Variants in CSDE1 observed in about 807,000 individuals in gnomAD.
CSDE1 encodes the protein cold shock domain-containing protein E1.
CSDE1 carries 17 observed loss-of-function variants against 89.3 expected under a neutral mutation model. That is an observed-to-expected ratio of 0.19 (90% CI 0.13 to 0.29). CSDE1 has a LOEUF of 0.29. Among genes scored for constraint, CSDE1 ranks in the 10% least tolerant of loss-of-function variants. The pLI, the probability that CSDE1 is intolerant of heterozygous loss-of-function variation, is 1.00. For synonymous variants in CSDE1, 322 were observed against 332.8 expected, an observed-to-expected ratio of 0.97 and a Z score of 0.35; for missense variants, 672 against 984.2, an observed-to-expected ratio of 0.68 and a Z score of 4.24.
chr1:114,746,074 T>C (rs1660997101), intron 2 of CSDE1, among the ~76,000 whole-genome samples: 1 of 152,166 alleles, frequency 6.6e-6, no homozygotes, highest in African/African-American at 2.4e-5. Context: ...TTGGAAAAGG[T>C]AGCCTATTTC....
chr1:114,739,600 A>T, intron 3 of CSDE1, 92 bp downstream of exon 3: 1 of 1,072,920 alleles, frequency 9.3e-7, no homozygotes, highest in Non-Finnish European at 1.4e-6. Flanking sequence ...GTTTTAATTT[A>T]CATAAAACTT....
At chr1:114,734,374 G>A in intron 7 of CSDE1, 68 bp downstream of exon 7, 3 of 1,351,618 alleles carry the variant, frequency 2.2e-6, no homozygotes, top group Non-Finnish European at 3.1e-6. Context: ...AAAAACAAAG[G>A]CTGGAGTTTG....
At position 114,740,134 on chromosome 1, in the gene CSDE1, GA is replaced by G. The variant is rs200790095; in HGVS notation, c.1-245del. ...AATTTCCACTTATCAGACAAAAATA[GA>G]ATTTCTGGGGTTTAATATTAAGGTA... is the stretch of plus-strand genomic sequence containing the variant. On this transcript the variant is annotated intron_variant, in intron 2 of 19. Coordinates refer to ENST00000358528, the MANE Select transcript of CSDE1 (RefSeq NM_001007553.3). Among the ~76,000 whole-genome samples the G allele has an allele frequency of 5.3e-5, 8 of 152,264 alleles. No individual in the cohort carries two copies. In the East Asian group the frequency reaches 1.5e-3, roughly 29 times the overall value.
At chr1:114,731,395 A>G (rs1011284229) in intron 10 of CSDE1, among the ~76,000 whole-genome samples, 1 of 152,042 alleles carries the variant, frequency 6.6e-6, no homozygotes, top group Non-Finnish European at 1.5e-5. Context: ...AAATGTAAAA[A>G]AAAAAAAAAA....
At chr1:114,753,959 A>G (rs1661450633) in intron 1 of CSDE1, among the ~76,000 whole-genome samples, 1 of 152,140 alleles carries the variant, frequency 6.6e-6, no homozygotes, top group Non-Finnish European at 1.5e-5. Flanking sequence ...ACCAATAAAA[A>G]CACTAGGGAA....
At chr1:114,734,335 T>G in intron 7 of CSDE1, 107 bp downstream of exon 7, 1 of 1,145,640 alleles carries the variant, frequency 8.7e-7, no homozygotes, top group South Asian at 1.4e-5. Context: ...AGTGAAATAT[T>G]TTAAAAGGGT....
In CSDE1 at chr1:114,739,878, G is replaced by T. The variant is rs1660624809; in HGVS notation, c.13C>A (p.Pro5Thr). The part of the protein sequence containing the change: MSFD[P>T]NLLHNNGHNG... ...TGTCCATTGTTGTGGAGAAGGTTTG[G>T]ATCAAAGCTCATCTGTTTTAAAAAG... The change falls in exon 3 of 20, where the codon CCA becomes ACA. Residue 5 changes from proline (P) to threonine (T), a missense_variant. Transcript: ENST00000358528. 6.2e-7 allele frequency: 1 copy of T among 1,613,242 alleles called. No homozygotes were observed. Among genetic ancestry groups the T allele is most frequent in the Non-Finnish European group, 8.5e-7 (1 of 1,179,432 alleles).
intron 10 of CSDE1, 36 bp downstream of exon 10, chr1:114,732,568 A>T: frequency 1.3e-6 from 2 of 1,592,900 alleles, no homozygotes; most frequent in African/African-American, 2.7e-5. Context: ...TGGCTTTCGC[A>T]TATTAGATAC....
In CSDE1 at chr1:114,719,624, T is replaced by G; in HGVS notation, c.2171A>C (p.Asn724Thr). The stretch of plus-strand genomic sequence containing the variant: ...GGCGCTGCACTTGCCAGTGCGCTGA[T>G]TAAGAATCACTGAGAACTCCACCTC... The part of the protein sequence containing the change: ...GDEVEFSVIL[N>T]QRTGKCSACN... Residue 724 changes from asparagine to threonine, a missense_variant, in exon 18 of 20, where the codon AAT (asparagine) becomes ACT (threonine). By Grantham distance (65) the Asn-to-Thr change is moderately conservative (BLOSUM62 0). Coordinates refer to ENST00000358528, the MANE Select transcript of CSDE1 (RefSeq NM_001007553.3). 6.2e-7 allele frequency: 1 copy of G among 1,614,050 alleles called. No homozygotes were observed.
intron 1 of CSDE1, among the ~76,000 whole-genome samples, chr1:114,751,378 G>A (rs765637643): frequency 3.9e-5 from 6 of 152,194 alleles, no homozygotes; most frequent in Non-Finnish European, 8.8e-5. Flanking sequence ...GAAAACATCA[G>A]AAGAATGATT....
chr1:114,756,211 A>C (rs959164101), intron 1 of CSDE1, among the ~76,000 whole-genome samples: 1 of 152,240 alleles, frequency 6.6e-6, no homozygotes, highest in Admixed American at 6.5e-5. Context: ...TCTGTGCCTC[A>C]AATACTTTAG....
intron 6 of CSDE1, among the ~76,000 whole-genome samples, chr1:114,735,613 C>G (rs1029874317): frequency 6.6e-6 from 1 of 152,138 alleles, no homozygotes; most frequent in Non-Finnish European, 1.5e-5. Context: ...CAATCTGATT[C>G]CTTCAAGGCT....
At chr1:114,743,798 T>C (rs538097747) in intron 2 of CSDE1, among the ~76,000 whole-genome samples, 78 of 152,228 alleles carry the variant, frequency 5.1e-4, no homozygotes, top group African/African-American at 1.8e-3. Flanking sequence ...ACCAAAAGAG[T>C]TGAAAAAGCC....
At chr1:114,739,476 A>C (rs968744006) in intron 3 of CSDE1, among the ~76,000 whole-genome samples, 3 of 152,336 alleles carry the variant, frequency 2.0e-5, no homozygotes, top group Admixed American at 6.5e-5. Context: ...TATGGGGAAA[A>C]ACAATGAAAT....
At chr1:114,734,620 G>T in intron 6 of CSDE1, 97 bp from the exon 7 acceptor site, 1 of 857,622 alleles carries the variant, frequency 1.2e-6, no homozygotes, top group Non-Finnish European at 1.8e-6. Context: ...GTTTCCTGGG[G>T]CTTTAAGAAT....
intron 1 of CSDE1, among the ~76,000 whole-genome samples, chr1:114,750,851 A>C (rs796309571): frequency 6.6e-6 from 1 of 152,244 alleles, no homozygotes; most frequent in African/African-American, 2.4e-5. Context: ...ATATGCCACT[A>C]AATTCTTTCT....
At position 114,720,447 on chromosome 1, in the gene CSDE1, T is replaced by C. The variant is rs147863311; in HGVS notation, c.2052+92A>G. 921 of 1,222,374 alleles carry C rather than the reference T, an allele frequency of 7.5e-4. 8 individuals carry two copies. The African/African-American group carries it at 0.012, about 16-fold the overall frequency. The allele number at this position is 1,222,374 out of a possible 1,614,324, so 75.7% of individuals were successfully genotyped here. A position where few individuals can be genotyped will look rare whatever the true frequency, so the allele number is the denominator to read the frequency against. On this transcript the variant is annotated intron_variant, in intron 17 of 19. Transcript: ENST00000358528. Reference sequence around the variant, plus strand: ...GTAGAAATAAAAAAACGAATGAATGTTGATGATTTCCCCTTGGCTGAAAAT... The same window carrying C: ...GTAGAAATAAAAAAACGAATGAATGCTGATGATTTCCCCTTGGCTGAAAAT...
intron 10 of CSDE1, 26 bp downstream of exon 10, chr1:114,732,578 C>A: frequency 6.2e-7 from 1 of 1,600,776 alleles, no homozygotes. Context: ...ATATTAGATA[C>A]ATATCCAGTA....
At chr1:114,738,215 T>C (rs1660513467) in intron 3 of CSDE1, 143 bp from the exon 4 acceptor site, 2 of 646,430 alleles carry the variant, frequency 3.1e-6, no homozygotes, top group Non-Finnish European at 5.5e-6. Context: ...AGCATTAACA[T>C]CACCTGGGAG....
Sources: gnomAD v4.1 joint callset for allele counts (sites outside exome capture counted in the v4.1 genomes callset) on GRCh38, gnomAD v4.1.1 for gene constraint, MANE v1.5 for transcripts, NCBI Gene and HGNC (gene_info 2026-07-23, HGNC 2026-07-21) for gene names.